The following CNTN6 variants were observed in gnomAD, a reference collection of about 807,000 sequenced individuals.
The protein encoded by CNTN6 is contactin-6.
In CNTN6, 137 loss-of-function variants were observed where a neutral mutation model predicts 122.8. The ratio of observed to expected loss-of-function variants is 1.12; its 90% CI spans 0.97 to 1.29. The LOEUF (loss-of-function observed/expected upper bound fraction) is 1.29, where lower values mean the gene tolerates loss of function less well. Among genes scored for constraint, CNTN6 ranks in the 50% most tolerant of loss-of-function variants. The probability of loss-of-function intolerance (pLI) is 0.00; values close to 1 mark genes in which losing one functional copy is unlikely to be tolerated. For missense variants in CNTN6, 1,634 were observed against 1,223.4 expected (o/e 1.34, Z -5.01); for synonymous variants, 570 against 426.0 (o/e 1.34, Z -4.16).
chr3:1,114,090 G>A (rs1342033638), intron 1 of CNTN6, among the ~76,000 whole-genome samples: 1 of 152,192 alleles, frequency 6.6e-6, no homozygotes, highest in African/African-American at 2.4e-5. Flanking sequence ...TCTTTAAGAA[G>A]TAGGTGGCAT....
At chr3:1,403,210 T>C in intron 22 of CNTN6, 108 bp from the exon 23 acceptor site, 1 of 642,274 alleles carries the variant, frequency 1.6e-6, no homozygotes, top group Non-Finnish European at 2.7e-6. Flanking sequence ...TATAATAAAA[T>C]ATGTTACTAG....
chr3:1,277,271 A>G (rs1398808912), intron 4 of CNTN6, among the ~76,000 whole-genome samples: 1 of 150,704 alleles, frequency 6.6e-6, no homozygotes. Context: ...AAGGTAAAAT[A>G]CCTGCCTGTT....
chr3:1,187,997 A>C (rs936413418), intron 2 of CNTN6, among the ~76,000 whole-genome samples: 2 of 152,248 alleles, frequency 1.3e-5, no homozygotes, highest in South Asian at 4.2e-4. Context: ...AACTCTATTA[A>C]ATTCTGCACA....
chr3:1,120,340 G>C (rs773132476), intron 1 of CNTN6, among the ~76,000 whole-genome samples: 1 of 151,896 alleles, frequency 6.6e-6, no homozygotes, highest in African/African-American at 2.4e-5. Flanking sequence ...AGGTTTAGCT[G>C]TTCTACCTCG....
intron 2 of CNTN6, among the ~76,000 whole-genome samples, chr3:1,207,747 G>T (rs964440647): frequency 2.6e-5 from 4 of 151,898 alleles, no homozygotes; most frequent in African/African-American, 9.7e-5. Flanking sequence ...GCTCTAAGAT[G>T]GTTCTCGCAC....
intron 1 of CNTN6, among the ~76,000 whole-genome samples, chr3:1,117,157 G>T (rs984638131): frequency 5.3e-5 from 8 of 152,124 alleles, no homozygotes; most frequent in African/African-American, 1.7e-4. Context: ...TGCCTTTGTT[G>T]TTCTCAGGTT....
intron 5 of CNTN6, among the ~76,000 whole-genome samples, chr3:1,289,705 C>T (rs1173590833): frequency 2.8e-5 from 4 of 142,166 alleles, no homozygotes; most frequent in African/African-American, 5.3e-5. Flanking sequence ...GACAGAGTCT[C>T]GCTCTGTGGC....
At chr3:1,167,715 G>A (rs1157796778) in intron 2 of CNTN6, among the ~76,000 whole-genome samples, 2 of 152,172 alleles carry the variant, frequency 1.3e-5, no homozygotes, top group Non-Finnish European at 2.9e-5. Flanking sequence ...GTGAGCCAGT[G>A]GTGGAACTGG....
chr3:1,158,397 G>A (rs977979742), intron 2 of CNTN6, among the ~76,000 whole-genome samples: 3 of 152,044 alleles, frequency 2.0e-5, no homozygotes, highest in Non-Finnish European at 4.4e-5. Flanking sequence ...TTTTCCCTAT[G>A]GAGTTGTTTG....
chr3:1,313,408 G>A (rs578189617), intron 7 of CNTN6, among the ~76,000 whole-genome samples: 33 of 152,068 alleles, frequency 2.2e-4, no homozygotes, highest in African/African-American at 7.2e-4. Flanking sequence ...TGGTATTAAG[G>A]CAATTTACTA....
chr3:1,393,741 A>T (rs1694589838), intron 20 of CNTN6, among the ~76,000 whole-genome samples: 1 of 152,066 alleles, frequency 6.6e-6, no homozygotes, highest in Non-Finnish European at 1.5e-5. Context: ...ATTATACATA[A>T]TCCCATCAAC....
intron 4 of CNTN6, among the ~76,000 whole-genome samples, chr3:1,243,362 G>A (rs990119939): frequency 6.6e-6 from 1 of 152,172 alleles, no homozygotes; most frequent in Non-Finnish European, 1.5e-5. Flanking sequence ...TGTGGCTGGG[G>A]TTTGTGTCAC....
intron 2 of CNTN6, among the ~76,000 whole-genome samples, chr3:1,178,604 T>A (rs539501566): frequency 1.3e-5 from 2 of 152,284 alleles, no homozygotes; most frequent in Non-Finnish European, 2.9e-5. Context: ...GTAGTTTCCT[T>A]CCCCCCACTG....
At chr3:1,142,966 GTGTATATATATATA>G (rs1378689134) in intron 1 of CNTN6, among the ~76,000 whole-genome samples, 29 of 96,628 alleles carry the variant, frequency 3.0e-4, no homozygotes, top group East Asian at 1.6e-3. Context: ...GTGTGTGTGT[GTGTATATATATATA>G]TATATATATA....
chr3:1,281,027 C>T (rs1693320369), intron 5 of CNTN6, among the ~76,000 whole-genome samples: 1 of 152,134 alleles, frequency 6.6e-6, no homozygotes, highest in Admixed American at 6.5e-5. Context: ...CTTGTGAGGG[C>T]TCACCTGATA....
intron 4 of CNTN6, among the ~76,000 whole-genome samples, chr3:1,261,257 T>C (rs2094841783): frequency 6.6e-6 from 1 of 152,164 alleles, no homozygotes; most frequent in Non-Finnish European, 1.5e-5. Flanking sequence ...ACATGGACTA[T>C]GTAGTGTATT....
intron 2 of CNTN6, among the ~76,000 whole-genome samples, chr3:1,181,549 A>G (rs2093554281): frequency 6.6e-6 from 1 of 152,064 alleles, no homozygotes; most frequent in Non-Finnish European, 1.5e-5. Context: ...CAAACACCTT[A>G]ATTTTGAGGG....
At chr3:1,307,781 A>G (rs1698594933) in intron 7 of CNTN6, among the ~76,000 whole-genome samples, 2 of 152,058 alleles carry the variant, frequency 1.3e-5, no homozygotes, top group Non-Finnish European at 2.9e-5. Flanking sequence ...ATGTGTCTGT[A>G]TTTGTCATAA....
intron 1 of CNTN6, among the ~76,000 whole-genome samples, chr3:1,114,353 C>G (rs775516995): frequency 4.6e-5 from 7 of 152,116 alleles, no homozygotes; most frequent in Non-Finnish European, 8.8e-5. Context: ...ATGAATCAAG[C>G]CTTGGAGATG....
Sources: gnomAD v4.1 joint callset for allele counts (sites outside exome capture counted in the v4.1 genomes callset) on GRCh38, gnomAD v4.1.1 for gene constraint, MANE v1.5 for transcripts, NCBI Gene and HGNC (gene_info 2026-07-23, HGNC 2026-07-21) for gene names.